Variants in NFKB1 observed in about 807,000 individuals in gnomAD.
The protein encoded by NFKB1 is nuclear factor kappa B subunit 1, also known as nuclear factor NF-kappa-B p105 subunit.
In NFKB1, 9 loss-of-function variants were observed where a neutral mutation model predicts 105.1. The observed-to-expected ratio is 0.09, with a 90% CI of 0.05 to 0.15. NFKB1 has a LOEUF of 0.15. Ranked by LOEUF, NFKB1 falls within the 10% of genes least tolerant of loss-of-function variation. NFKB1 has a pLI of 1.00. For synonymous variants in NFKB1, 440 were observed against 442.2 expected, an observed-to-expected ratio of 1.00 and a Z score of 0.06; for missense variants, 830 against 1,203.7, an observed-to-expected ratio of 0.69 and a Z score of 4.59.
chr4:102,584,424 TAGAC>T (rs1393979790), intron 10 of NFKB1, among the ~76,000 whole-genome samples: 1 of 152,160 alleles, frequency 6.6e-6, no homozygotes, highest in Non-Finnish European at 1.5e-5. Context: ...ACATTTGAAA[TAGAC>T]AAATGAAATA....
At chr4:102,519,786 A>G (rs1330263006) in intron 1 of NFKB1, among the ~76,000 whole-genome samples, 1 of 152,202 alleles carries the variant, frequency 6.6e-6, no homozygotes, top group Admixed American at 6.5e-5. Flanking sequence ...TACTATATGA[A>G]CCTGAGCAAA....
intron 4 of NFKB1, among the ~76,000 whole-genome samples, chr4:102,536,260 A>C (rs1741629255): frequency 6.6e-6 from 1 of 152,158 alleles, no homozygotes; most frequent in African/African-American, 2.4e-5. Context: ...TTGTGTGAGA[A>C]TCAAAACAAA....
chr4:102,507,034 AATT>A (rs997328211), intron 1 of NFKB1, among the ~76,000 whole-genome samples: 4 of 148,814 alleles, frequency 2.7e-5, no homozygotes, highest in Non-Finnish European at 4.5e-5. Flanking sequence ...TAACTAATAT[AATT>A]ATATTTAATA....
At chr4:102,518,382 G>T (rs1162283711) in intron 1 of NFKB1, among the ~76,000 whole-genome samples, 2 of 152,006 alleles carry the variant, frequency 1.3e-5, no homozygotes, top group African/African-American at 2.4e-5. Context: ...GTTCAGTTGG[G>T]AATTGAGTAA....
At chr4:102,577,299 G>A (rs544055935) in intron 7 of NFKB1, among the ~76,000 whole-genome samples, 14 of 152,066 alleles carry the variant, frequency 9.2e-5, no homozygotes, top group African/African-American at 3.4e-4. Flanking sequence ...TCCTCCTCTT[G>A]CCATCTCTGC....
intron 1 of NFKB1, among the ~76,000 whole-genome samples, chr4:102,523,550 C>A (rs1740703910): frequency 6.6e-6 from 1 of 152,150 alleles, no homozygotes; most frequent in African/African-American, 2.4e-5. Flanking sequence ...ACGGTGAGGG[C>A]TAAACTCTTT....
chr4:102,519,532 T>C (rs1423853442), intron 1 of NFKB1, among the ~76,000 whole-genome samples: 1 of 151,882 alleles, frequency 6.6e-6, no homozygotes. Context: ...TGAGTTAACA[T>C]TGTTTGGTAT....
At chr4:102,607,056 A>G (rs1287132544) in intron 17 of NFKB1, 94 bp from the exon 18 acceptor site, 53 of 1,219,696 alleles carry the variant, frequency 4.3e-5, no homozygotes, top group Non-Finnish European at 5.1e-5. Context: ...GTCCCTCCCC[A>G]TGATTCAGTT....
At chr4:102,612,683 C>T in intron 22 of NFKB1, 77 bp downstream of exon 22, 1 of 1,362,970 alleles carries the variant, frequency 7.3e-7, no homozygotes, top group South Asian at 1.3e-5. Context: ...GGCATAATCT[C>T]CTTCCCTTTT....
chr4:102,571,356 G>C (rs960422987), intron 6 of NFKB1, among the ~76,000 whole-genome samples: 14 of 152,254 alleles, frequency 9.2e-5, no homozygotes, highest in African/African-American at 3.4e-4. Flanking sequence ...AGACTTAAAT[G>C]TTATATCTAA....
chr4:102,596,306 C>T lies in NFKB1; in HGVS notation c.1469C>T (p.Thr490Ile), dbSNP rs4648065. 777 of 1,610,464 alleles carry T rather than the reference C, an allele frequency of 4.8e-4. 3 individuals are homozygous for T. In the African/African-American group the frequency reaches 9.1e-3, roughly 19 times the overall value. ...GTCACTCTAACGTATGCAACAGGAACAAAAGAAGAGAGTGCTGGAGTTCAG... is the reference window on the plus strand; with the variant it reads ...GTCACTCTAACGTATGCAACAGGAATAAAAGAAGAGAGTGCTGGAGTTCAG... ...GEVTLTYATG[T>I]KEESAGVQDN... is the part of the protein sequence containing the mutation. Residue 490 changes from threonine (T) to isoleucine (I), a missense_variant, in exon 14 of 24, where the codon ACA becomes ATA. Thr to Ile is a moderately conservative substitution (Grantham distance 89). This residue lies in a region of NFKB1 where 163 missense variants were observed against 164.3 expected (regional missense o/e 0.99). Coordinates refer to ENST00000226574, the MANE Select transcript of NFKB1 (RefSeq NM_003998.4).
At chr4:102,602,643 A>G (rs987984701) in intron 16 of NFKB1, among the ~76,000 whole-genome samples, 1 of 152,216 alleles carries the variant, frequency 6.6e-6, no homozygotes, top group African/African-American at 2.4e-5. Flanking sequence ...GTAAAAATTA[A>G]TAGGTTTCCT....
chr4:102,584,886 T>C, intron 11 of NFKB1, 66 bp downstream of exon 11: 1 of 1,434,840 alleles, frequency 7.0e-7, no homozygotes. Flanking sequence ...TTTTGTTTTG[T>C]TTTGTTTTGT....
intron 5 of NFKB1, among the ~76,000 whole-genome samples, chr4:102,553,895 A>G (rs2149147655): frequency 6.6e-6 from 1 of 152,322 alleles, no homozygotes; most frequent in East Asian, 1.9e-4. Flanking sequence ...GCAACAGGTA[A>G]TTTGAGTGTT....
chr4:102,585,636 A>T (rs1257836048), intron 11 of NFKB1, among the ~76,000 whole-genome samples: 2 of 152,234 alleles, frequency 1.3e-5, no homozygotes, highest in Admixed American at 1.3e-4. Flanking sequence ...TTAAATAGTT[A>T]TAATGTAAAT....
At chr4:102,560,847 A>G (rs1723365728) in intron 5 of NFKB1, among the ~76,000 whole-genome samples, 1 of 152,226 alleles carries the variant, frequency 6.6e-6, no homozygotes, top group African/African-American at 2.4e-5. Context: ...AGAGAAGGAA[A>G]GAAACTGGCA....
intron 5 of NFKB1, among the ~76,000 whole-genome samples, chr4:102,552,358 G>C (rs75408368): frequency 6.6e-6 from 1 of 152,062 alleles, no homozygotes; most frequent in East Asian, 1.9e-4. Context: ...AATAAGGAGC[G>C]GTGAATGGAA....
chr4:102,550,580 A>G (rs1722495611), intron 5 of NFKB1, among the ~76,000 whole-genome samples: 1 of 152,186 alleles, frequency 6.6e-6, no homozygotes, highest in East Asian at 1.9e-4. Flanking sequence ...CTCATCATCA[A>G]TGATAGCAGC....
In NFKB1 at chr4:102,610,521, T is replaced by G. The variant is rs1173060654; in HGVS notation, c.2228-54T>G. On this transcript the variant is annotated intron_variant, in intron 19 of 23. Coordinates refer to ENST00000226574, the MANE Select transcript of NFKB1 (RefSeq NM_003998.4). The stretch of plus-strand genomic sequence containing the variant: ...TTGGGAATCTGACCTTTGCAGGCAG[T>G]TGGAAGTTGACAAGATCTGGGTTTA... 2.5e-6 allele frequency: 4 copies of G among 1,584,462 alleles called. No individual in the cohort carries two copies. In the African/African-American group the frequency reaches 5.4e-5, roughly 21 times the overall value.
Sources: gnomAD v4.1 joint callset for allele counts (sites outside exome capture counted in the v4.1 genomes callset) on GRCh38, gnomAD v4.1.1 for gene constraint, gnomAD v4.1.1 regional missense constraint, MANE v1.5 for transcripts, NCBI Gene and HGNC (gene_info 2026-07-23, HGNC 2026-07-21) for gene names.